The following SOX5 variants were observed in gnomAD, a reference collection of about 807,000 sequenced individuals.
SOX5 encodes transcription factor SOX-5.
A neutral mutation model predicts 92.0 loss-of-function variants in SOX5; 9 were observed. That is an observed-to-expected ratio of 0.10 (90% CI 0.06 to 0.17). The LOEUF (loss-of-function observed/expected upper bound fraction) is 0.17, where lower values mean the gene tolerates loss of function less well. Among genes scored for constraint, SOX5 ranks in the 10% least tolerant of loss-of-function variants. The probability of loss-of-function intolerance (pLI) is 1.00; values close to 1 mark genes in which losing one functional copy is unlikely to be tolerated. For synonymous variants in SOX5, 344 were observed against 336.3 expected, an observed-to-expected ratio of 1.02 and a Z score of -0.25; for missense variants, 642 against 944.5, an observed-to-expected ratio of 0.68 and a Z score of 4.20.
chr12:23,649,011 A>C (rs889638072), intron 7 of SOX5, among the ~76,000 whole-genome samples: 12 of 152,202 alleles, frequency 7.9e-5, no homozygotes, highest in African/African-American at 2.9e-4. Context: ...ACATAAACAC[A>C]ATTAACTTAA....
intron 1 of SOX5, among the ~76,000 whole-genome samples, chr12:24,458,545 G>A (rs1037840408): frequency 5.4e-4 from 82 of 152,176 alleles, no homozygotes; most frequent in African/African-American, 1.9e-3. Context: ...AATCTCTGGG[G>A]GGTAGGATGG....
intron 4 of SOX5, among the ~76,000 whole-genome samples, chr12:24,026,221 A>G (rs1954851604): frequency 6.6e-6 from 1 of 152,096 alleles, no homozygotes. Context: ...TGAAGGTTCC[A>G]GTGATCTTTA....
chr12:23,737,403 G>T (rs1430744427), intron 5 of SOX5, among the ~76,000 whole-genome samples: 1 of 152,112 alleles, frequency 6.6e-6, no homozygotes, highest in Non-Finnish European at 1.5e-5. Flanking sequence ...AGCCAGGCAT[G>T]GTGGTGGGCA....
At chr12:23,820,494 T>C (rs1409142374) in intron 3 of SOX5, among the ~76,000 whole-genome samples, 1 of 152,232 alleles carries the variant, frequency 6.6e-6, no homozygotes, top group Admixed American at 6.5e-5. Context: ...ATGAAATCTT[T>C]GCCCATGCCT....
chr12:23,600,468 T>C (rs1331241300), intron 9 of SOX5, among the ~76,000 whole-genome samples: 1 of 142,988 alleles, frequency 7.0e-6, no homozygotes, highest in Non-Finnish European at 1.5e-5. Flanking sequence ...CTGTCAATGC[T>C]CTTAATTCTG....
intron 3 of SOX5, among the ~76,000 whole-genome samples, chr12:24,243,463 G>A (rs1937903679): frequency 6.6e-6 from 1 of 152,072 alleles, no homozygotes; most frequent in South Asian, 2.1e-4. Context: ...AAGCTCAATA[G>A]CAGCTTTTTA....
intron 3 of SOX5, among the ~76,000 whole-genome samples, chr12:24,262,096 C>G (rs1942181984): frequency 6.6e-6 from 1 of 152,154 alleles, no homozygotes; most frequent in African/African-American, 2.4e-5. Context: ...TAAAAACAGA[C>G]TACTGCTCAG....
chr12:23,736,689 C>CTT lies in SOX5; in HGVS notation c.742-1939_742-1938dup, dbSNP rs547312649. ...AAAAAAAACACATTTTGTTCTTTCTCTTTTTTTTTTTTTTTTTGAGACAGA... is the reference window on the plus strand; with the variant it reads ...AAAAAAAACACATTTTGTTCTTTCTCTTTTTTTTTTTTTTTTTTTGAGACAGA... On this transcript the variant is annotated intron_variant, in intron 5 of 14. Coordinates refer to ENST00000451604, the MANE Select transcript of SOX5 (RefSeq NM_006940.6). Among the ~76,000 whole-genome samples the CTT allele has an allele frequency of 3.1e-3, 407 of 132,598 alleles. 5 individuals carry two copies. The highest frequency in any genetic ancestry group is 7.9e-3 in the Middle Eastern group (2 of 252). The allele number at this position is 132,598 out of a possible 152,430, so 87.0% of individuals were successfully genotyped here.
intron 9 of SOX5, among the ~76,000 whole-genome samples, chr12:23,577,194 T>A (rs868776662): frequency 0.16 from 16,755 of 107,932 alleles, 2,013 homozygotes; most frequent in Admixed American, 0.23. Flanking sequence ...TATATATATT[T>A]TTTTTTTTTT....
At chr12:24,073,723 T>C (rs932061194) in intron 4 of SOX5, among the ~76,000 whole-genome samples, 2 of 152,214 alleles carry the variant, frequency 1.3e-5, no homozygotes, top group Non-Finnish European at 2.9e-5. Context: ...TTTTCAACAA[T>C]GATTCAAATT....
chr12:24,144,970 T>C (rs527885954), intron 4 of SOX5, among the ~76,000 whole-genome samples: 29 of 152,172 alleles, frequency 1.9e-4, no homozygotes, highest in African/African-American at 6.3e-4. Flanking sequence ...TGTGCACCTG[T>C]AGTCCAAGCT....
chr12:23,759,692 C>T (rs2094511342), intron 3 of SOX5, among the ~76,000 whole-genome samples: 2 of 151,824 alleles, frequency 1.3e-5, no homozygotes, highest in South Asian at 4.2e-4. Flanking sequence ...TGGCAGAAGC[C>T]CAATATTTAC....
intron 3 of SOX5, among the ~76,000 whole-genome samples, chr12:23,806,362 C>T (rs1280878446): frequency 6.6e-6 from 1 of 152,064 alleles, no homozygotes; most frequent in Non-Finnish European, 1.5e-5. Context: ...CCTTCTCCTC[C>T]CCAATCTGGA....
At chr12:23,679,114 A>G (rs2086166254) in intron 6 of SOX5, among the ~76,000 whole-genome samples, 1 of 152,158 alleles carries the variant, frequency 6.6e-6, no homozygotes, top group South Asian at 2.1e-4. Flanking sequence ...TAACCAATAA[A>G]CTTTTTCTAT....
rs185388236 is a variant in SOX5, at chr12:23,754,771, A to G, written c.568+867T>C. On this transcript the variant is annotated intron_variant, in intron 4 of 14. Coordinates refer to ENST00000451604, the MANE Select transcript of SOX5 (RefSeq NM_006940.6). ...TGGGAAAACACTTGCACGGACACAC[A>G]TATGCAAAAAAGTTATTTATACACC... Among the ~76,000 whole-genome samples the G allele has an allele frequency of 1.4e-4, 22 of 151,984 alleles. No homozygotes were observed. The East Asian group carries it at 3.9e-3, about 27-fold the overall frequency.
intron 4 of SOX5, among the ~76,000 whole-genome samples, chr12:24,029,487 A>G (rs986312576): frequency 6.6e-6 from 1 of 151,526 alleles, no homozygotes; most frequent in Admixed American, 6.6e-5. Flanking sequence ...GTTACCCAGG[A>G]TGGTTTCAAA....
chr12:24,540,935 T>C (rs1187767862), intron 1 of SOX5, among the ~76,000 whole-genome samples: 2 of 152,174 alleles, frequency 1.3e-5, no homozygotes, highest in African/African-American at 2.4e-5. Flanking sequence ...TAACCATAAG[T>C]TGCATTGCAA....
At chr12:24,561,682 T>C (rs1954359126) in intron 1 of SOX5, among the ~76,000 whole-genome samples, 1 of 146,388 alleles carries the variant, frequency 6.8e-6, no homozygotes, top group Non-Finnish European at 1.5e-5. Context: ...CTGAAATCCC[T>C]AGAATCCTGA....
chr12:24,483,077 C>T (rs1054309672), intron 1 of SOX5, among the ~76,000 whole-genome samples: 15 of 152,170 alleles, frequency 9.9e-5, no homozygotes, highest in African/African-American at 3.6e-4. Context: ...TACAATGATA[C>T]TTATTTCCTT....
Sources: allele counts gnomAD v4.1 joint callset (sites outside exome capture counted in the v4.1 genomes callset), GRCh38; gene constraint gnomAD v4.1.1; transcripts MANE v1.5; gene names NCBI Gene and HGNC (gene_info 2026-07-23, HGNC 2026-07-21).